The following TIAM1 variants were observed in gnomAD, a reference collection of about 807,000 sequenced individuals.
TIAM1 encodes the protein rho guanine nucleotide exchange factor TIAM1.
A neutral mutation model predicts 163.5 loss-of-function variants in TIAM1; 65 were observed. The ratio of observed to expected loss-of-function variants is 0.40; its 90% confidence interval spans 0.33 to 0.49. TIAM1 has a LOEUF of 0.49. TIAM1 is among the 20% of genes least tolerant of loss of function. TIAM1 has a pLI of 0.77. For synonymous variants in TIAM1, 833 were observed against 810.1 expected (o/e 1.03, Z -0.48); for missense variants, 1,789 against 2,044.7 (o/e 0.87, Z 2.41).
intron 2 of TIAM1, among the ~76,000 whole-genome samples, chr21:31,291,332 C>A (rs8129077): frequency 7.9e-5 from 12 of 152,220 alleles, no homozygotes; most frequent in South Asian, 2.1e-4. Context: ...ACAACAACAA[C>A]AAAAAAGCTT....
At chr21:31,274,422 G>C (rs1396958635) in intron 3 of TIAM1, among the ~76,000 whole-genome samples, 1 of 152,134 alleles carries the variant, frequency 6.6e-6, no homozygotes, top group Non-Finnish European at 1.5e-5. Flanking sequence ...AGATTGTTGA[G>C]GGAAAACAGG....
rs767546875 is a variant in TIAM1, at chr21:31,182,521, C to G, written c.2787G>C (p.Glu929Asp). 1 of 1,613,880 alleles carries G rather than the reference C, an allele frequency of 6.2e-7. No homozygotes were observed. The highest frequency in any genetic ancestry group is 8.5e-7 in the Non-Finnish European group (1 of 1,179,888). The change falls in exon 15 of 28, where the codon GAG (glutamate) becomes GAC (aspartate). Residue 929 changes from glutamate (E) to aspartate (D), a missense_variant. By Grantham distance (45) the Glu-to-Asp change is conservative (BLOSUM62 2). This residue lies in a region of TIAM1 where 303 missense variants were observed against 321.3 expected (regional missense o/e 0.94). Transcript: ENST00000541036. ...CCAGCAGCTCCACTCCTTCCTCCAG[C>G]TCGGGGTAGGTCCTCACCAGGAGGC... is the stretch of plus-strand genomic sequence containing the variant. ...SLGLLVRTYP[E>D]LEEGVELLES...
intron 2 of TIAM1, among the ~76,000 whole-genome samples, chr21:31,451,746 T>C (rs2044860458): frequency 6.8e-6 from 1 of 147,680 alleles, no homozygotes; most frequent in African/African-American, 2.5e-5. Flanking sequence ...TGTGTGTGTG[T>C]GTGTGTGTGT....
At chr21:31,146,460 C>A (rs2083119631) in intron 20 of TIAM1, among the ~76,000 whole-genome samples, 1 of 148,402 alleles carries the variant, frequency 6.7e-6, no homozygotes, top group African/African-American at 2.5e-5. Context: ...CCTGTAATCC[C>A]AGCACTTTGG....
At position 31,521,158 on chromosome 21, in the gene TIAM1, G is replaced by A. The variant is rs77332744; in HGVS notation, c.-422+37769C>T. 1.8e-4 allele frequency among the ~76,000 whole-genome samples: 27 copies of A among 152,242 alleles called. No homozygotes were observed. The South Asian group carries it at 4.1e-3, about 23-fold the overall frequency. On this transcript the variant is annotated intron_variant, in intron 1 of 28. Coordinates refer to the TIAM1 transcript ENST00000286827. The stretch of plus-strand genomic sequence containing the variant: ...ATTTACTCTTAATTGCCTCAACTCC[G>A]CCACCTTCTCTAAAAAGAAACCCTC...
At chr21:31,219,183 C>T (rs2087405867) in intron 8 of TIAM1, among the ~76,000 whole-genome samples, 5 of 151,876 alleles carry the variant, frequency 3.3e-5, no homozygotes, top group Admixed American at 3.3e-4. Flanking sequence ...ACAAGGACTC[C>T]AGAAAGTCCT....
intron 23 of TIAM1, among the ~76,000 whole-genome samples, chr21:31,132,321 C>T (rs928970191): frequency 2.0e-5 from 3 of 152,288 alleles, no homozygotes; most frequent in African/African-American, 7.2e-5. Context: ...TCCAGCCACT[C>T]GGTCTAGACT....
chr21:31,188,419 T>G (rs1412749149), intron 13 of TIAM1, among the ~76,000 whole-genome samples: 1 of 152,196 alleles, frequency 6.6e-6, no homozygotes, highest in East Asian at 1.9e-4. Flanking sequence ...AACACAGGTG[T>G]ATTTATCTGC....
intron 9 of TIAM1, among the ~76,000 whole-genome samples, chr21:31,216,624 G>A (rs8132546): frequency 0.029 from 4,390 of 152,210 alleles, 170 homozygotes; most frequent in African/African-American, 0.092. Flanking sequence ...CTTGGCGAGT[G>A]AAGAAGTCAA....
chr21:31,278,000 T>C (rs543071420), intron 2 of TIAM1, among the ~76,000 whole-genome samples: 122 of 152,332 alleles, frequency 8.0e-4, no homozygotes, highest in Non-Finnish European at 1.4e-3. Flanking sequence ...TTAATCTATC[T>C]GTGTATATTA....
intron 23 of TIAM1, among the ~76,000 whole-genome samples, chr21:31,135,359 A>T (rs1049803832): frequency 6.6e-6 from 1 of 152,220 alleles, no homozygotes; most frequent in Non-Finnish European, 1.5e-5. Context: ...GGTTTATTAA[A>T]AAATAAGTCA....
intron 15 of TIAM1, among the ~76,000 whole-genome samples, chr21:31,179,213 C>A (rs1601432217): frequency 6.6e-6 from 1 of 151,242 alleles, no homozygotes; most frequent in African/African-American, 2.4e-5. Context: ...ATGGTGAAAC[C>A]CCATCTCTAC....
rs567529006 is a variant in TIAM1, at chr21:31,365,411, G to A, written c.-368-25989C>T. 7.0e-5 allele frequency among the ~76,000 whole-genome samples: 9 copies of A among 127,816 alleles called. No homozygotes were observed. In the East Asian group the frequency reaches 1.8e-3, roughly 25 times the overall value. The allele number at this position is 127,816 out of a possible 152,430, so 83.9% of individuals were successfully genotyped here. A position where few individuals can be genotyped will look rare whatever the true frequency, so the allele number is the denominator to read the frequency against. On this transcript the variant is annotated intron_variant, in intron 2 of 28. Coordinates refer to the TIAM1 transcript ENST00000286827. Reference sequence around the variant, plus strand: ...TCTTTTTTTTTTTTTTTTTTTGAGAGGGAGTCTCGCTCTGTCGCCCAGGCT... The same window carrying A: ...TCTTTTTTTTTTTTTTTTTTTGAGAAGGAGTCTCGCTCTGTCGCCCAGGCT...
chr21:31,146,829 CA>C, intron 20 of TIAM1, 65 bp downstream of exon 20: 4 of 1,357,196 alleles, frequency 2.9e-6, no homozygotes, highest in Non-Finnish European at 4.2e-6. Context: ...CAAAAGCCCC[CA>C]ACCACTGTCA....
chr21:31,280,646 G>A (rs1014792115), intron 2 of TIAM1, among the ~76,000 whole-genome samples: 8 of 152,064 alleles, frequency 5.3e-5, no homozygotes, highest in Non-Finnish European at 8.8e-5. Context: ...TCAAATACCC[G>A]CAAAAATTGA....
intron 16 of TIAM1, among the ~76,000 whole-genome samples, chr21:31,157,276 G>T (rs73349737): frequency 0.02 from 3,091 of 152,272 alleles, 118 homozygotes; most frequent in African/African-American, 0.071. Context: ...GTGAACTGGT[G>T]AGTGACGGTG....
At chr21:31,361,837 T>TAGA (rs985053281) in intron 2 of TIAM1, among the ~76,000 whole-genome samples, 16 of 147,596 alleles carry the variant, frequency 1.1e-4, no homozygotes, top group Admixed American at 1.4e-4. Flanking sequence ...GGAAGAAAGA[T>TAGA]TAGATAGATA....
chr21:31,240,276 A>C (rs2071096496), intron 6 of TIAM1, among the ~76,000 whole-genome samples: 1 of 152,230 alleles, frequency 6.6e-6, no homozygotes, highest in African/African-American at 2.4e-5. Context: ...AAGCAACACG[A>C]ACAGTGGTAA....
At chr21:31,448,023 T>A (rs1309222983) in intron 2 of TIAM1, among the ~76,000 whole-genome samples, 37 of 152,104 alleles carry the variant, frequency 2.4e-4, no homozygotes, top group Admixed American at 2.4e-3. Flanking sequence ...GCCCGAGTTT[T>A]GTTCCATTCA....
Sources: gnomAD v4.1 joint callset for allele counts (sites outside exome capture counted in the v4.1 genomes callset) on GRCh38, gnomAD v4.1.1 for gene constraint, gnomAD v4.1.1 regional missense constraint, MANE v1.5 for transcripts, NCBI Gene and HGNC (gene_info 2026-07-23, HGNC 2026-07-21) for gene names.